DLGAP1: variants seen among roughly 807,000 people sequenced by gnomAD.
DLGAP1 encodes the protein DLG associated protein 1.
A neutral mutation model predicts 90.8 loss-of-function variants in DLGAP1; 11 were observed. That is an observed-to-expected ratio of 0.12 (90% CI 0.08 to 0.20). DLGAP1 has a LOEUF of 0.20. DLGAP1 is among the 10% of genes least tolerant of loss of function. DLGAP1 has a pLI of 1.00. For synonymous variants in DLGAP1, 558 were observed against 540.7 expected (o/e 1.03, Z -0.44); for missense variants, 1,050 against 1,333.8 (o/e 0.79, Z 3.31).
chr18:3,586,235 T>C (rs1381929040), intron 7 of DLGAP1, among the ~76,000 whole-genome samples: 1 of 152,108 alleles, frequency 6.6e-6, no homozygotes, highest in African/African-American at 2.4e-5. Flanking sequence ...GGGAGCTGAA[T>C]GGAGGGCAGG....
intron 7 of DLGAP1, among the ~76,000 whole-genome samples, chr18:3,656,913 A>G (rs1228089391): frequency 6.6e-6 from 1 of 151,658 alleles, no homozygotes. Flanking sequence ...CGCCCGGCTA[A>G]TTTTTTGTAT....
chr18:4,131,728 C>T lies in DLGAP1; in HGVS notation c.-159+19452G>A, dbSNP rs572594182. On this transcript the variant is annotated intron_variant, in intron 2 of 12. Coordinates refer to ENST00000315677, the MANE Select transcript of DLGAP1 (RefSeq NM_004746.4). ...GCCAGGAAAGGGTGACAAGAAACTG[C>T]TGGATTGGATTAGCTAGAGGTTATC... Among the ~76,000 whole-genome samples, 18 of 152,254 alleles carry T rather than the reference C, an allele frequency of 1.2e-4. No homozygotes were observed. The East Asian group carries it at 3.5e-3, about 29-fold the overall frequency.
At chr18:3,877,719 G>A (rs76687394) in intron 4 of DLGAP1, among the ~76,000 whole-genome samples, 1,749 of 152,226 alleles carry the variant, frequency 0.011, 25 homozygotes, top group Middle Eastern at 0.041. Context: ...ACATGCTAAC[G>A]GTTTAACCCA....
intron 1 of DLGAP1, among the ~76,000 whole-genome samples, chr18:4,380,888 GT>G (rs1198520428): frequency 6.6e-6 from 1 of 152,122 alleles, no homozygotes; most frequent in Admixed American, 6.6e-5. Context: ...TGCCAATATG[GT>G]TCTCCACTGG....
intron 1 of DLGAP1, among the ~76,000 whole-genome samples, chr18:4,276,330 T>C (rs566927315): frequency 1.3e-5 from 2 of 152,180 alleles, no homozygotes; most frequent in South Asian, 2.1e-4. Context: ...TGTTTATAGA[T>C]GGAGGTTAAA....
At chr18:4,348,803 G>A (rs894721236) in intron 1 of DLGAP1, among the ~76,000 whole-genome samples, 1 of 152,022 alleles carries the variant, frequency 6.6e-6, no homozygotes, top group Non-Finnish European at 1.5e-5. Context: ...TGATAATAAT[G>A]AAGTTTATCT....
In DLGAP1 at chr18:4,284,999, TA is replaced by T. The variant is rs201673436; in HGVS notation, c.-266-133713del. On this transcript the variant is annotated intron_variant, in intron 1 of 12. Coordinates refer to ENST00000315677, the MANE Select transcript of DLGAP1 (RefSeq NM_004746.4). ...TCCTGAAAGCTTGCACTAGGAAAGA[TA>T]AAGGGAGGATGTTATTTACTTTTTG... Among the ~76,000 whole-genome samples the T allele has an allele frequency of 5.0e-3, 765 of 152,316 alleles. 6 individuals carry two copies. The highest frequency in any genetic ancestry group is 0.017 in the African/African-American group (725 of 41,568).
chr18:3,520,674 C>T (rs2051128420), intron 10 of DLGAP1, among the ~76,000 whole-genome samples: 1 of 152,196 alleles, frequency 6.6e-6, no homozygotes, highest in Non-Finnish European at 1.5e-5. Context: ...GCCCCTTGAT[C>T]TCGAACTTCC....
chr18:4,144,468 A>G (rs2076550336), intron 2 of DLGAP1, among the ~76,000 whole-genome samples: 1 of 152,230 alleles, frequency 6.6e-6, no homozygotes, highest in Non-Finnish European at 1.5e-5. Context: ...TCTCTGAGCC[A>G]CAGGGCCCCT....
rs3041181 is a variant in DLGAP1, at chr18:4,306,033, T to TACACACACACACAC, written c.-267+148959_-267+148972dup. Among the ~76,000 whole-genome samples, 546 of 142,174 alleles carry TACACACACACACAC rather than the reference T, an allele frequency of 3.8e-3. 6 individuals are homozygous for TACACACACACACAC. The highest frequency in any genetic ancestry group is 0.023 in the East Asian group (111 of 4,820). 93.3% of individuals were successfully genotyped at this position (142,174 alleles called of 152,430 possible). On this transcript the variant is annotated intron_variant, in intron 1 of 12. Transcript: ENST00000315677. ...ACACACACACACAGACACACACAAA[T>TACACACACACACAC]ACACACACACACACACACACACACA...
At chr18:3,947,774 T>C (rs1599202828) in intron 3 of DLGAP1, among the ~76,000 whole-genome samples, 1 of 152,194 alleles carries the variant, frequency 6.6e-6, no homozygotes, top group Non-Finnish European at 1.5e-5. Flanking sequence ...AATATAATGT[T>C]AAAATGGAAA....
At chr18:3,977,208 A>C (rs1374297348) in intron 3 of DLGAP1, among the ~76,000 whole-genome samples, 2 of 152,064 alleles carry the variant, frequency 1.3e-5, no homozygotes, top group Non-Finnish European at 2.9e-5. Context: ...AGTAGCTGGG[A>C]CCACAGGCAT....
At chr18:4,320,937 C>G (rs2080671402) in intron 1 of DLGAP1, among the ~76,000 whole-genome samples, 1 of 152,172 alleles carries the variant, frequency 6.6e-6, no homozygotes, top group Non-Finnish European at 1.5e-5. Context: ...CTTCATAACA[C>G]TTTTAATTCC....
intron 2 of DLGAP1, among the ~76,000 whole-genome samples, chr18:4,041,235 T>G (rs1205359537): frequency 6.6e-6 from 1 of 152,236 alleles, no homozygotes; most frequent in Non-Finnish European, 1.5e-5. Flanking sequence ...TTCTATTTCC[T>G]TGTAGTTGGT....
rs185092425 is a variant in DLGAP1, at chr18:3,639,857, C to T, written c.1592-57609G>A. ...GCAAGCTCCGCCTCCTGGGTTCACG[C>T]CATTCTCCTGCCTCAGCCTTCGGAG... On this transcript the variant is annotated intron_variant, in intron 7 of 12. Coordinates refer to ENST00000315677, the MANE Select transcript of DLGAP1 (RefSeq NM_004746.4). Among the ~76,000 whole-genome samples, 261 of 141,054 alleles carry T rather than the reference C, an allele frequency of 1.9e-3. 16 individuals are homozygous for T. The highest frequency in any genetic ancestry group is 6.5e-3 in the African/African-American group (241 of 36,910). 92.5% of individuals were successfully genotyped at this position (141,054 alleles called of 152,430 possible). A position where few individuals can be genotyped will look rare whatever the true frequency, so the allele number is the denominator to read the frequency against.
intron 3 of DLGAP1, among the ~76,000 whole-genome samples, chr18:3,931,650 A>C (rs1229655855): frequency 6.6e-6 from 1 of 152,214 alleles, no homozygotes; most frequent in African/African-American, 2.4e-5. Context: ...TAGGTCAAGT[A>C]GGTCACTTGT....
chr18:3,528,590 C>A (rs1309765365), intron 10 of DLGAP1, among the ~76,000 whole-genome samples: 1 of 152,212 alleles, frequency 6.6e-6, no homozygotes, highest in Admixed American at 6.5e-5. Context: ...TGCCAGAGAA[C>A]TGTTGTGAGG....
rs144007995 is a variant in DLGAP1 at position 3,898,467 on chromosome 18, G to T, written c.-72-18327C>A. On this transcript the variant is annotated intron_variant, in intron 3 of 12. Transcript: ENST00000315677. ...TATGGGAAAGTTAAATAATTTACTT[G>T]TAGTTAATCCAGGAAGTCAGACTCC... is the stretch of plus-strand genomic sequence containing the variant. Among the ~76,000 whole-genome samples the T allele has an allele frequency of 1.4e-4, 21 of 152,280 alleles. No homozygotes were observed. The East Asian group carries it at 3.9e-3, about 28-fold the overall frequency.
At chr18:4,077,227 G>A (rs1035603495) in intron 2 of DLGAP1, among the ~76,000 whole-genome samples, 1 of 152,022 alleles carries the variant, frequency 6.6e-6, no homozygotes, top group Non-Finnish European at 1.5e-5. Flanking sequence ...GATTTTTTTG[G>A]TGACACCAAT....
Sources: allele counts gnomAD v4.1 joint callset (sites outside exome capture counted in the v4.1 genomes callset), GRCh38; gene constraint gnomAD v4.1.1; transcripts MANE v1.5; gene names NCBI Gene and HGNC (gene_info 2026-07-23, HGNC 2026-07-21).